COL18A1: variants seen among roughly 807,000 people sequenced by gnomAD.
COL18A1 encodes collagen alpha-1(XVIII) chain.
Under a neutral mutation model 168.0 loss-of-function variants are expected in COL18A1, and 133 were observed. That is an observed-to-expected ratio of 0.79 (90% CI 0.69 to 0.91). The LOEUF (loss-of-function observed/expected upper bound fraction) is 0.91. Ranked by LOEUF, COL18A1 falls within the 40% of genes least tolerant of loss-of-function variation. COL18A1 has a pLI of 0.00. For synonymous variants in COL18A1, 949 were observed against 809.0 expected (o/e 1.17, Z -2.94); for missense variants, 2,126 against 1,925.4 (o/e 1.10, Z -1.95).
At chr21:45,437,209 T>C (rs1602378210) in intron 2 of COL18A1, among the ~76,000 whole-genome samples, 1 of 89,976 alleles carries the variant, frequency 1.1e-5, no homozygotes, top group African/African-American at 5.9e-5. Context: ...GGCACTCTCC[T>C]GCACACACAC....
In COL18A1 at chr21:45,423,627, G is replaced by C. The variant is rs1033836562; in HGVS notation, c.106+18154G>C. 6 of 151,758 alleles carry C rather than the reference G, an allele frequency of 4.0e-5. No homozygotes were observed. The highest frequency in any genetic ancestry group is 8.8e-5 in the Non-Finnish European group (6 of 68,000). 9.4% of individuals were successfully genotyped at this position (151,758 alleles called of 1,614,324 possible). On this transcript the variant is annotated intron_variant, in intron 2 of 41. Coordinates refer to ENST00000651438, the MANE Select transcript of COL18A1 (RefSeq NM_001379500.1). This position sits in a 1 kb window ranked among gnomAD's most constrained non-coding sequence, Gnocchi z 4.0. Reference sequence around the variant, plus strand: ...CCCACCTGAGTTACTGCGGAACCAAGGGGCTCATGGCCATTGAGTGACTCC... The same window carrying C: ...CCCACCTGAGTTACTGCGGAACCAACGGGCTCATGGCCATTGAGTGACTCC...
At chr21:45,449,360 A>T (rs1004410016) in intron 2 of COL18A1, among the ~76,000 whole-genome samples, 4 of 152,054 alleles carry the variant, frequency 2.6e-5, no homozygotes, top group Non-Finnish European at 5.9e-5. Context: ...ACTCGTGATC[A>T]CCCAGTGGAG....
At position 45,498,273 on chromosome 21, in the gene COL18A1, C is replaced by G. The variant is rs758362647; in HGVS notation, c.2683+612C>G. On this transcript the variant is annotated intron_variant, in intron 32 of 41. Transcript: ENST00000651438. The surrounding 1 kb of genome is among the most constrained non-coding windows in gnomAD (Gnocchi z 4.5). ...CAGAAGCCCAGAGAGCCAGGCTAGC[C>G]TCGGGCGCCTTTCACCACCAGGGTC... is the stretch of plus-strand genomic sequence containing the variant. 4 of 707,096 alleles carry G rather than the reference C, an allele frequency of 5.7e-6. No homozygotes were observed. The highest frequency in any genetic ancestry group is 2.6e-6 in the Non-Finnish European group (1 of 384,730). The allele number at this position is 707,096 out of a possible 1,614,324, so 43.8% of individuals were successfully genotyped here.
At chr21:45,472,210 G>A (rs1037335797) in intron 3 of COL18A1, among the ~76,000 whole-genome samples, 8 of 151,930 alleles carry the variant, frequency 5.3e-5, no homozygotes, top group Admixed American at 5.2e-4. Context: ...CCCCAGTGGA[G>A]AAGCGCAGTT....
chr21:45,468,980 G>A (rs568792598), intron 3 of COL18A1, among the ~76,000 whole-genome samples, 194 bp downstream of exon 3: 4 of 152,310 alleles, frequency 2.6e-5, no homozygotes, highest in African/African-American at 4.8e-5. Context: ...CAGGCCTCCC[G>A]GGTTCTTGGC....
At position 45,512,257 on chromosome 21, in the gene COL18A1, G is replaced by A. The variant is rs575466180; in HGVS notation, c.3879G>A (p.Thr1293=). Residue 1293 remains threonine, a synonymous_variant, in exon 42 of 42, where the codon ACG becomes ACA. Transcript: ENST00000651438. ...GGCTGACCGAGAGCTACTGTGAGAC[G>A]TGGCGGACGGAGGCTCCCTCGGCCA... ...GRRLTESYCE[T]WRTEAPSATG... is the part of the protein sequence containing the mutation. 3.8e-5 allele frequency: 61 copies of A among 1,611,966 alleles called. No individual in the cohort carries two copies. Among genetic ancestry groups the A allele is most frequent in the Admixed American group, 6.7e-5 (4 of 59,950 alleles).
At chr21:45,499,014 C>T (rs1281890285) in intron 32 of COL18A1, among the ~76,000 whole-genome samples, 1 of 152,196 alleles carries the variant, frequency 6.6e-6, no homozygotes, top group East Asian at 1.9e-4. Flanking sequence ...ACAGTGTTTG[C>T]AGGCGGAATG....
chr21:45,480,052 C>T lies in COL18A1; in HGVS notation c.1312-18C>T. 1 of 1,610,846 alleles carries T rather than the reference C, an allele frequency of 6.2e-7. No individual in the cohort carries two copies. The highest frequency in any genetic ancestry group is 1.1e-5 in the South Asian group (1 of 90,990). ...GTGTGCGTGCCCAGGGTATGATAGG[C>T]TTGTCTTGTGTTCCCAGGGAGACCC... On this transcript the variant is annotated intron_variant, in intron 10 of 41. Transcript: ENST00000651438.
chr21:45,511,323 C>A, intron 41 of COL18A1, 97 bp downstream of exon 41: 1 of 720,106 alleles, frequency 1.4e-6, no homozygotes, highest in South Asian at 1.5e-5. Context: ...AGTTTTTGGA[C>A]AAATCTTATA....
chr21:45,454,183 C>T (rs2034722398), intron 2 of COL18A1, among the ~76,000 whole-genome samples: 1 of 152,174 alleles, frequency 6.6e-6, no homozygotes, highest in Non-Finnish European at 1.5e-5. Flanking sequence ...ATGCCTGCGC[C>T]TGCCCTCGAG....
chr21:45,490,217 G>A, intron 19 of COL18A1, 58 bp from the exon 20 acceptor site: 1 of 1,442,744 alleles, frequency 6.9e-7, no homozygotes, highest in Non-Finnish European at 9.5e-7. Context: ...CCTCGTGGGG[G>A]TCCCTGCATT....
At chr21:45,455,673 C>T in intron 2 of COL18A1, 1 of 1,613,858 alleles carries the variant, frequency 6.2e-7, no homozygotes, top group Non-Finnish European at 8.5e-7. Flanking sequence ...ATCCCTGAGC[C>T]CCAGGGGCCC....
At chr21:45,490,696 C>T (rs1376747504) in intron 20 of COL18A1, 140 bp from the exon 21 acceptor site, 3 of 867,496 alleles carry the variant, frequency 3.5e-6, no homozygotes, top group East Asian at 2.7e-5. Context: ...TCCGTCAGGG[C>T]TCTTGGTGGC....
chr21:45,504,013 C>T lies in COL18A1; in HGVS notation c.2686C>T (p.Gln896Ter). 1.9e-6 allele frequency: 3 copies of T among 1,613,662 alleles called. No individual in the cohort carries two copies. Among genetic ancestry groups the T allele is most frequent in the South Asian group, 1.1e-5 (1 of 91,088 alleles). The change falls in exon 33 of 42, where the codon CAG (glutamine) becomes TAG (stop). Residue 896 changes from glutamine (Q) to a stop codon, truncating the protein, a stop_gained and splice_region_variant. Coordinates refer to ENST00000651438, the MANE Select transcript of COL18A1 (RefSeq NM_001379500.1). LOFTEE classifies it high-confidence loss of function. ...GEVGPPGPPGQFPFDFLQLEA... is the reference protein window; with the variant it reads ...GEVGPPGPPG Reference sequence around the variant, plus strand: ...CCCCGCCTGTCTCTCTCTTGCAGGGCAGTTTCCGTTTGACTTTCTTCAGTT... The same window carrying T: ...CCCCGCCTGTCTCTCTCTTGCAGGGTAGTTTCCGTTTGACTTTCTTCAGTT...
At chr21:45,470,481 G>GTTTTTTTTTTTT (rs1260989970) in intron 3 of COL18A1, among the ~76,000 whole-genome samples, 1 of 77,818 alleles carries the variant, frequency 1.3e-5, no homozygotes, top group Non-Finnish European at 2.3e-5. Flanking sequence ...TTTTTTGTGG[G>GTTTTTTTTTTTT]TTTTTTTTTT....
In COL18A1 at chr21:45,468,277, C is replaced by T. The variant is rs978459772; in HGVS notation, c.142C>T (p.Leu48Phe). The T allele has an allele frequency of 8.7e-6, 14 of 1,613,058 alleles. No homozygotes were observed. The Admixed American group carries it at 2.0e-4, about 23-fold the overall frequency. Residue 48 changes from leucine (L) to phenylalanine (F), a missense_variant, in exon 3 of 42, where the codon CTT becomes TTT. Leu to Phe is a conservative substitution (Grantham distance 22). Coordinates refer to ENST00000651438, the MANE Select transcript of COL18A1 (RefSeq NM_001379500.1). The stretch of plus-strand genomic sequence containing the variant: ...CGAGGAGGTGGGGCTGCTGCAGCTC[C>T]TTGGGGACCCCCCGCCCCAGCAGGT... ...ISEEVGLLQL[L>F]GDPPPQQVTQ... is the part of the protein sequence containing the mutation.
rs551170464 is a variant in COL18A1 at position 45,474,331 on chromosome 21, T to G, written c.738+350T>G. ...CTCTGTGGTGTGTCTGTCTTGTGTGTTGTGTGTGGATGTGTGTGTGTCTGT... is the reference window on the plus strand; with the variant it reads ...CTCTGTGGTGTGTCTGTCTTGTGTGGTGTGTGTGGATGTGTGTGTGTCTGT... On this transcript the variant is annotated intron_variant, in intron 4 of 41. Coordinates refer to ENST00000651438, the MANE Select transcript of COL18A1 (RefSeq NM_001379500.1). 5.4e-5 allele frequency among the ~76,000 whole-genome samples: 8 copies of G among 149,074 alleles called. No homozygotes were observed. The East Asian group carries it at 1.2e-3, about 22-fold the overall frequency.
chr21:45,495,520 C>T (rs920714687), intron 29 of COL18A1, 88 bp downstream of exon 29: 5 of 1,140,714 alleles, frequency 4.4e-6, no homozygotes, highest in South Asian at 2.6e-5. Context: ...TGCAGCTCCT[C>T]CCAGAGGCCA....
At position 45,473,746 on chromosome 21, in the gene COL18A1, G is replaced by A. The variant is rs539227616; in HGVS notation, c.652-149G>A. ...ACTTCTTCCTACCATGAGGCATACCGCACCCCCAGGGAGGCTGCCCGAGAC... is the reference window on the plus strand; with the variant it reads ...ACTTCTTCCTACCATGAGGCATACCACACCCCCAGGGAGGCTGCCCGAGAC... On this transcript the variant is annotated intron_variant, in intron 3 of 41. Transcript: ENST00000651438. The surrounding 1 kb of genome is among the most constrained non-coding windows in gnomAD (Gnocchi z 4.0). The A allele has an allele frequency of 2.1e-5, 15 of 710,646 alleles. No individual in the cohort carries two copies. Among genetic ancestry groups the A allele is most frequent in the Non-Finnish European group, 3.0e-5 (12 of 399,324 alleles). The allele number at this position is 710,646 out of a possible 1,614,324, so 44.0% of individuals were successfully genotyped here.
Sources: gnomAD v4.1 joint callset for allele counts (sites outside exome capture counted in the v4.1 genomes callset) on GRCh38, gnomAD v4.1.1 for gene constraint, Gnocchi (gnomAD v3.1) non-coding constraint, MANE v1.5 for transcripts, NCBI Gene and HGNC (gene_info 2026-07-23, HGNC 2026-07-21) for gene names.